Variants in KIFAP3 observed in about 807,000 individuals in gnomAD.
The protein encoded by KIFAP3 is kinesin associated protein 3, also known as kinesin-associated protein 3.
A neutral mutation model predicts 106.5 loss-of-function variants in KIFAP3; 68 were observed. That is an observed-to-expected ratio of 0.64 (90% confidence interval 0.53 to 0.78). The LOEUF (loss-of-function observed/expected upper bound fraction) is 0.78, where lower values mean the gene tolerates loss of function less well. Among genes scored for constraint, KIFAP3 ranks in the 30% least tolerant of loss-of-function variants. The pLI, the probability that KIFAP3 is intolerant of heterozygous loss-of-function variation, is 0.00. For synonymous variants in KIFAP3, 320 were observed against 311.5 expected, an observed-to-expected ratio of 1.03 and a Z score of -0.29; for missense variants, 780 against 941.8, an observed-to-expected ratio of 0.83 and a Z score of 2.25.
In KIFAP3 at chr1:169,984,903, T is replaced by A. The variant is rs1249892283; in HGVS notation, c.1285-213A>T. Among the ~76,000 whole-genome samples the A allele has an allele frequency of 2.6e-5, 4 of 151,866 alleles. No individual in the cohort carries two copies. In the East Asian group the frequency reaches 7.7e-4, roughly 29 times the overall value. On this transcript the variant is annotated intron_variant, in intron 11 of 19. Transcript: ENST00000361580. The stretch of plus-strand genomic sequence containing the variant: ...ACTCTTAGATGCTCAGCATTAAATA[T>A]AAACTTCTAAGTACAGTGGAGAATA...
At chr1:170,000,657 G>C (rs149116464) in intron 10 of KIFAP3, among the ~76,000 whole-genome samples, 94 of 152,158 alleles carry the variant, frequency 6.2e-4, no homozygotes, top group African/African-American at 2.2e-3. Context: ...TAACTTATTA[G>C]AGCATATACT....
At chr1:169,991,435 G>C (rs1667103363) in intron 11 of KIFAP3, among the ~76,000 whole-genome samples, 1 of 151,684 alleles carries the variant, frequency 6.6e-6, no homozygotes, top group Non-Finnish European at 1.5e-5. Flanking sequence ...AGGAAAAAAT[G>C]TTCAACCTCA....
At chr1:169,977,261 TTGTTA>T (rs1377520795) in intron 16 of KIFAP3, among the ~76,000 whole-genome samples, 5 of 151,758 alleles carry the variant, frequency 3.3e-5, no homozygotes, top group African/African-American at 1.2e-4. Flanking sequence ...GATGACAATG[TTGTTA>T]TTCACAATGA....
chr1:170,084,095 A>G (rs902009841), intron 1 of KIFAP3, among the ~76,000 whole-genome samples: 1 of 152,170 alleles, frequency 6.6e-6, no homozygotes, highest in Non-Finnish European at 1.5e-5. Flanking sequence ...GAATAATCCC[A>G]ATGATACACC....
At chr1:169,962,915 C>T (rs1044082578) in intron 17 of KIFAP3, among the ~76,000 whole-genome samples, 2 of 152,232 alleles carry the variant, frequency 1.3e-5, no homozygotes, top group South Asian at 4.1e-4. Context: ...TATAGTAATG[C>T]TAGTGACAAT....
intron 10 of KIFAP3, among the ~76,000 whole-genome samples, chr1:169,998,357 C>T (rs1337440179): frequency 6.9e-6 from 1 of 145,824 alleles, no homozygotes; most frequent in Admixed American, 7.0e-5. Context: ...CAAAAGAAAT[C>T]GGACTACAAC....
At chr1:170,049,758 T>C (rs1427481392) in intron 2 of KIFAP3, among the ~76,000 whole-genome samples, 1 of 150,312 alleles carries the variant, frequency 6.7e-6, no homozygotes, top group Non-Finnish European at 1.5e-5. Flanking sequence ...TGGCTGTTGA[T>C]ACAAAAACTA....
rs3838394 is a variant in KIFAP3, at chr1:169,940,911, A to ATGTG, written c.2273+13096_2273+13099dup. On this transcript the variant is annotated intron_variant, in intron 19 of 19. Transcript: ENST00000361580. ...GAGCAGTTGCACTTGTTTAAGAATT[A>ATGTG]TGTGTGTGTGTGTGTGTGTGTGTGT... is the stretch of plus-strand genomic sequence containing the variant. 4.2e-3 allele frequency among the ~76,000 whole-genome samples: 616 copies of ATGTG among 148,122 alleles called. 3 individuals carry two copies. The highest frequency in any genetic ancestry group is 0.029 in the South Asian group (132 of 4,584).
chr1:169,949,951 G>C (rs1475257748), intron 19 of KIFAP3, among the ~76,000 whole-genome samples: 3 of 152,084 alleles, frequency 2.0e-5, no homozygotes, highest in Admixed American at 1.3e-4. Flanking sequence ...GAGTTTAACA[G>C]TTTTCACTGT....
chr1:170,082,492 A>G (rs1258745443), intron 1 of KIFAP3, among the ~76,000 whole-genome samples: 2 of 152,244 alleles, frequency 1.3e-5, no homozygotes, highest in Middle Eastern at 3.2e-3. Context: ...TGTGAATACA[A>G]TTATTAAAAC....
rs1261574912 is a variant in KIFAP3, at chr1:170,034,444, T to C, written c.670A>G (p.Met224Val). The change falls in exon 7 of 20, where the codon ATG becomes GTG. Residue 224 changes from methionine (M) to valine (V), a missense_variant. Transcript: ENST00000361580. ...ITHYKIGALC[M>V]NIIDHELKRH... ...TTTAACTCATGATCAATAATATTCA[T>C]ACACAGAGCTCCAATTTTATAGTGA... The C allele has an allele frequency of 1.3e-6, 2 of 1,582,802 alleles. No homozygotes were observed.
At chr1:169,950,317 T>C (rs1019625066) in intron 19 of KIFAP3, among the ~76,000 whole-genome samples, 4 of 152,168 alleles carry the variant, frequency 2.6e-5, no homozygotes, top group African/African-American at 9.6e-5. Context: ...TTTCGTGTTT[T>C]ATCCCACATA....
At chr1:169,967,407 G>A (rs758288257) in intron 17 of KIFAP3, among the ~76,000 whole-genome samples, 13 of 151,548 alleles carry the variant, frequency 8.6e-5, no homozygotes, top group South Asian at 2.1e-4. Context: ...TATGTGCTCT[G>A]GGAATCCTCA....
At chr1:169,926,081 A>G (rs1663117249) in intron 19 of KIFAP3, among the ~76,000 whole-genome samples, 1 of 152,220 alleles carries the variant, frequency 6.6e-6, no homozygotes, top group African/African-American at 2.4e-5. Context: ...CTACACTTTT[A>G]TTCACAACAT....
chr1:169,984,542 C>G, intron 12 of KIFAP3, 40 bp downstream of exon 12: 1 of 874,616 alleles, frequency 1.1e-6, no homozygotes, highest in Non-Finnish European at 1.9e-6. Flanking sequence ...ATACCAAATA[C>G]CATATGCTAA....
chr1:170,016,858 A>G (rs771734881), intron 9 of KIFAP3, among the ~76,000 whole-genome samples: 6 of 152,176 alleles, frequency 3.9e-5, no homozygotes, highest in Non-Finnish European at 8.8e-5. Flanking sequence ...TGGAAGACAA[A>G]TTACATTTGA....
intron 11 of KIFAP3, among the ~76,000 whole-genome samples, chr1:169,985,650 T>C (rs1186673614): frequency 5.9e-5 from 9 of 151,926 alleles, no homozygotes; most frequent in Non-Finnish European, 1.2e-4. Flanking sequence ...GGCCTGAGTT[T>C]AGAAGAAATG....
rs561227114 is a variant in KIFAP3 at position 169,993,402 on chromosome 1, G to A, written c.1184-1147C>T. Reference sequence around the variant, plus strand: ...TGGGATTACAGGCGTGAGCCACCGCGCCTGGCCCTAAACTGGTATTTTCAC... The same window carrying A: ...TGGGATTACAGGCGTGAGCCACCGCACCTGGCCCTAAACTGGTATTTTCAC... On this transcript the variant is annotated intron_variant, in intron 10 of 19. Transcript: ENST00000361580. 1.5e-3 allele frequency among the ~76,000 whole-genome samples: 228 copies of A among 151,604 alleles called. 2 individuals carry two copies. Among genetic ancestry groups the A allele is most frequent in the African/African-American group, 4.9e-3 (203 of 41,368 alleles).
chr1:170,046,712 C>G lies in KIFAP3; in HGVS notation c.319G>C (p.Glu107Gln), dbSNP rs768407330. The G allele has an allele frequency of 1.0e-5, 16 of 1,531,392 alleles. No individual in the cohort carries two copies. The highest frequency in any genetic ancestry group is 1.4e-5 in the Non-Finnish European group (16 of 1,136,054). The allele number at this position is 1,531,392 out of a possible 1,614,324, so 94.9% of individuals were successfully genotyped here. Reference protein sequence around the residue: ...QNRRDSLSGKEKKEKSSKPKD... With the variant: ...QNRRDSLSGKQKKEKSSKPKD... ...GGAAGCCAGGAATTCTACTACTTAC[C>G]TTTTCCTGACAATGAATCACGGCGG... The change falls in exon 3 of 20, where the codon GAG becomes CAG. Residue 107 changes from glutamate to glutamine, a missense_variant and splice_region_variant. This residue lies in a region of KIFAP3 where 588 missense variants were observed against 678.9 expected (regional missense o/e 0.87). Coordinates refer to ENST00000361580, the MANE Select transcript of KIFAP3 (RefSeq NM_014970.4).
Sources: gnomAD v4.1 joint callset for allele counts (sites outside exome capture counted in the v4.1 genomes callset) on GRCh38, gnomAD v4.1.1 for gene constraint, gnomAD v4.1.1 regional missense constraint, MANE v1.5 for transcripts, NCBI Gene and HGNC (gene_info 2026-07-23, HGNC 2026-07-21) for gene names.